The following KCNMB2 variants were observed in gnomAD, a reference collection of about 807,000 sequenced individuals.
KCNMB2 encodes the protein calcium-activated potassium channel subunit beta-2.
A neutral mutation model predicts 24.5 loss-of-function variants in KCNMB2; 9 were observed. That is an observed-to-expected ratio of 0.37 (90% CI 0.22 to 0.64). The LOEUF is 0.64. KCNMB2 is among the 30% of genes least tolerant of loss of function. KCNMB2 has a pLI of 0.63. For synonymous variants in KCNMB2, 109 were observed against 104.4 expected, an observed-to-expected ratio of 1.04 and a Z score of -0.27; for missense variants, 226 against 284.3, an observed-to-expected ratio of 0.79 and a Z score of 1.47.
At chr3:178,664,447 T>G (rs1219807849) in intron 1 of KCNMB2, among the ~76,000 whole-genome samples, 1 of 152,096 alleles carries the variant, frequency 6.6e-6, no homozygotes. Context: ...AACCTGGGCA[T>G]GCACTCCTCT....
chr3:178,830,107 C>G (rs7640093), intron 4 of KCNMB2, among the ~76,000 whole-genome samples: 1 of 151,692 alleles, frequency 6.6e-6, no homozygotes, highest in South Asian at 2.1e-4. Flanking sequence ...ATGGCAATTA[C>G]TTTCTTACTT....
intron 1 of KCNMB2, among the ~76,000 whole-genome samples, chr3:178,655,122 CTCTCTCTCTCTCTCTCTCTCTA>C (rs1448317525): frequency 1.3e-5 from 2 of 151,510 alleles, no homozygotes; most frequent in African/African-American, 4.9e-5. Flanking sequence ...CTCTCTCTCT[CTCTCTCTCTCTCTCTCTCTCTA>C]TCTCTATTTC....
chr3:178,584,280 G>T (rs1717339402), intron 1 of KCNMB2, among the ~76,000 whole-genome samples: 1 of 152,196 alleles, frequency 6.6e-6, no homozygotes, highest in Admixed American at 6.5e-5. Flanking sequence ...GTCCAAGGTT[G>T]GTGTATTAGA....
At chr3:178,827,560 G>A (rs189679240) in intron 3 of KCNMB2, among the ~76,000 whole-genome samples, 8 of 152,274 alleles carry the variant, frequency 5.3e-5, no homozygotes, top group African/African-American at 1.4e-4. Context: ...TTACCAATTA[G>A]GGTGAAAGGA....
intron 2 of KCNMB2, among the ~76,000 whole-genome samples, chr3:178,811,166 G>C (rs1714177088): frequency 6.6e-6 from 1 of 151,910 alleles, no homozygotes; most frequent in Non-Finnish European, 1.5e-5. Context: ...TCTTTAAATT[G>C]TTTTTTTAAA....
In KCNMB2 at chr3:178,759,644, T is replaced by TACATATATCTCTCTCCAAGAGG. The variant is rs1560009370; in HGVS notation, c.-67-47698_-67-47697insCATATATCTCTCTCCAAGAGGA. ...ATATCTCTCTCCAAGAGGATATATA[T>TACATATATCTCTCTCCAAGAGG]ATATATATCTCCAAGAGGGATATAT... On this transcript the variant is annotated intron_variant, in intron 1 of 4. Transcript: ENST00000452583. Among the ~76,000 whole-genome samples, 355 of 113,980 alleles carry TACATATATCTCTCTCCAAGAGG rather than the reference T, an allele frequency of 3.1e-3. 32 individuals are homozygous for TACATATATCTCTCTCCAAGAGG. Among genetic ancestry groups the TACATATATCTCTCTCCAAGAGG allele is most frequent in the African/African-American group, 0.011 (330 of 30,592 alleles). The allele number at this position is 113,980 out of a possible 152,430, so 74.8% of individuals were successfully genotyped here. A position where few individuals can be genotyped will look rare whatever the true frequency, so the allele number is the denominator to read the frequency against.
chr3:178,802,475 GGT>G (rs1713810506), intron 1 of KCNMB2, among the ~76,000 whole-genome samples: 1 of 152,096 alleles, frequency 6.6e-6, no homozygotes. Flanking sequence ...CCTCAGCACT[GGT>G]AGGAAGTGAG....
At chr3:178,595,635 T>G (rs1017723092) in intron 1 of KCNMB2, among the ~76,000 whole-genome samples, 4 of 152,074 alleles carry the variant, frequency 2.6e-5, no homozygotes, top group African/African-American at 9.7e-5. Context: ...TCATTCTCCT[T>G]CCTGCTGCCA....
chr3:178,660,701 T>C (rs189619009), intron 1 of KCNMB2, among the ~76,000 whole-genome samples: 2 of 151,860 alleles, frequency 1.3e-5, no homozygotes, highest in Admixed American at 6.5e-5. Flanking sequence ...TTGAGCAAAC[T>C]AAGACTCGGA....
At chr3:178,620,045 T>C (rs771519206) in intron 1 of KCNMB2, among the ~76,000 whole-genome samples, 4 of 152,174 alleles carry the variant, frequency 2.6e-5, no homozygotes, top group Non-Finnish European at 5.9e-5. Context: ...TTCACAATAA[T>C]GGTGGAAGAT....
intron 1 of KCNMB2, among the ~76,000 whole-genome samples, chr3:178,758,571 T>TATATATATATATATATCCAAGAGGAG (rs1724330956): frequency 1.5e-5 from 1 of 67,272 alleles, no homozygotes; most frequent in African/African-American, 5.7e-5. Context: ...GATATATATA[T>TATATATATATATATATCCAAGAGGAG]ATATATATAT....
At chr3:178,767,117 A>T (rs1317013197) in intron 1 of KCNMB2, among the ~76,000 whole-genome samples, 1 of 152,180 alleles carries the variant, frequency 6.6e-6, no homozygotes, top group East Asian at 1.9e-4. Flanking sequence ...CAAAACAAAC[A>T]ATTATCTGGT....
intron 1 of KCNMB2, among the ~76,000 whole-genome samples, chr3:178,621,230 A>G (rs2108527192): frequency 6.6e-6 from 1 of 152,254 alleles, no homozygotes; most frequent in South Asian, 2.1e-4. Context: ...AACAGATGGG[A>G]AAGTTCCTCT....
chr3:178,570,721 C>T (rs748038684), intron 1 of KCNMB2, among the ~76,000 whole-genome samples: 2 of 151,914 alleles, frequency 1.3e-5, no homozygotes, highest in African/African-American at 2.4e-5. Context: ...AAGAGCAAAA[C>T]CTTACAAAGA....
At chr3:178,832,064 C>T (rs913070945) in intron 4 of KCNMB2, among the ~76,000 whole-genome samples, 1 of 152,048 alleles carries the variant, frequency 6.6e-6, no homozygotes, top group African/African-American at 2.4e-5. Context: ...CATGGATCCA[C>T]ATTTTTCCAT....
At chr3:178,645,977 G>T (rs1234166230) in intron 1 of KCNMB2, among the ~76,000 whole-genome samples, 2 of 152,096 alleles carry the variant, frequency 1.3e-5, no homozygotes, top group Admixed American at 6.6e-5. Flanking sequence ...CATAATGAGG[G>T]CACATATTTT....
At chr3:178,682,557 T>G (rs1721306994) in intron 1 of KCNMB2, among the ~76,000 whole-genome samples, 2 of 152,106 alleles carry the variant, frequency 1.3e-5, no homozygotes, top group African/African-American at 4.8e-5. Flanking sequence ...AATTTTAAAA[T>G]CACCTAATAT....
chr3:178,605,308 C>G (rs181797993), intron 1 of KCNMB2, among the ~76,000 whole-genome samples: 12 of 152,226 alleles, frequency 7.9e-5, no homozygotes. Flanking sequence ...TCTAGGACTT[C>G]CCAGCCTCTA....
At chr3:178,568,512 G>A (rs558783398) in intron 1 of KCNMB2, among the ~76,000 whole-genome samples, 16 of 152,236 alleles carry the variant, frequency 1.1e-4, no homozygotes, top group African/African-American at 3.4e-4. Context: ...AAGGAATTCC[G>A]CTTGGAAAGA....
Sources: gnomAD v4.1 joint callset for allele counts (sites outside exome capture counted in the v4.1 genomes callset) on GRCh38, gnomAD v4.1.1 for gene constraint, MANE v1.5 for transcripts, NCBI Gene and HGNC (gene_info 2026-07-23, HGNC 2026-07-21) for gene names.